The following ZNF571 variants were observed in gnomAD, a reference collection of about 807,000 sequenced individuals.
ZNF571 encodes the protein zinc finger protein 571.
A neutral mutation model predicts 7.7 loss-of-function variants in ZNF571; 4 were observed. The observed-to-expected ratio is 0.52, with a 90% CI of 0.25 to 1.18. ZNF571 has a LOEUF of 1.18. Among genes scored for constraint, ZNF571 ranks in the 50% most tolerant of loss-of-function variants. The pLI, the probability that ZNF571 is intolerant of heterozygous loss-of-function variation, is 0.14. For synonymous variants in ZNF571, 251 were observed against 232.4 expected (o/e 1.08, Z -0.73); for missense variants, 704 against 726.9 (o/e 0.97, Z 0.36).
chr19:37,570,947 TGTGGTGTA>T (rs1386169298), intron 3 of ZNF571, among the ~76,000 whole-genome samples: 1 of 152,220 alleles, frequency 6.6e-6, no homozygotes, highest in East Asian at 1.9e-4. Flanking sequence ...ATTAATAGGC[TGTGGTGTA>T]ATACAAATTA....
intron 3 of ZNF571, among the ~76,000 whole-genome samples, chr19:37,583,141 C>T (rs188483073): frequency 1.5e-4 from 23 of 152,300 alleles, no homozygotes; most frequent in Non-Finnish European, 1.6e-4. Context: ...CCTGAACACA[C>T]CTTTCCCTGA....
chr19:37,580,413 T>G (rs1196984620), intron 3 of ZNF571, among the ~76,000 whole-genome samples: 1 of 152,262 alleles, frequency 6.6e-6, no homozygotes, highest in Admixed American at 6.5e-5. Flanking sequence ...TATTTGTAGG[T>G]GTTAGCTTGA....
intron 3 of ZNF571, among the ~76,000 whole-genome samples, chr19:37,575,149 T>TA (rs557814680): frequency 1.2e-4 from 18 of 152,232 alleles, no homozygotes; most frequent in Non-Finnish European, 2.4e-4. Flanking sequence ...CTGACTCTGC[T>TA]ACTTGAGAAA....
intron 1 of ZNF571, among the ~76,000 whole-genome samples, chr19:37,588,164 A>C (rs2147207851): frequency 6.6e-6 from 1 of 151,540 alleles, no homozygotes; most frequent in Non-Finnish European, 1.5e-5. Flanking sequence ...AAAATGATAT[A>C]AAGATGTTAA....
chr19:37,584,251 T>A (rs1049929641), intron 2 of ZNF571, 154 bp from the exon 3 acceptor site: 3 of 919,870 alleles, frequency 3.3e-6, no homozygotes, highest in African/African-American at 3.4e-5. Flanking sequence ...TCTCTATCAT[T>A]CCTATTGCCA....
At chr19:37,567,957 C>A (rs1436471739) in intron 3 of ZNF571, among the ~76,000 whole-genome samples, 1 of 152,076 alleles carries the variant, frequency 6.6e-6, no homozygotes, top group Non-Finnish European at 1.5e-5. Context: ...GTCTTACTTT[C>A]CAATATTTAT....
intron 3 of ZNF571, among the ~76,000 whole-genome samples, chr19:37,582,459 T>C (rs2043504767): frequency 6.6e-6 from 1 of 152,196 alleles, no homozygotes; most frequent in African/African-American, 2.4e-5. Flanking sequence ...CCTGACTGAA[T>C]GTTGGAACAC....
At position 37,566,055 on chromosome 19, in the gene ZNF571, AG is replaced by A; in HGVS notation, c.372del (p.Ser125LeufsTer7). On this transcript the variant is annotated frameshift_variant, in exon 4 of 4. Transcript: ENST00000451802. LOFTEE classifies it low-confidence loss of function (END_TRUNC). ...GGAATTATCCGATGAAAAGTAGAAG[AG>A]GTTGAATGACTTTCAGTGGCCTTTT... is the stretch of plus-strand genomic sequence containing the variant. ...CEEKATESHSTSSTFHRIIPT... is the reference protein window; with the variant it reads ...CEEKATESHSXSSTFHRIIPT... 2 of 1,614,118 alleles carry A rather than the reference AG, an allele frequency of 1.2e-6. No individual in the cohort carries two copies. The highest frequency in any genetic ancestry group is 1.7e-6 in the Non-Finnish European group (2 of 1,179,968).
intron 3 of ZNF571, among the ~76,000 whole-genome samples, chr19:37,573,281 CTAT>C (rs2043130799): frequency 2.0e-5 from 3 of 152,100 alleles, no homozygotes; most frequent in Admixed American, 2.0e-4. Context: ...TACTGGATTC[CTAT>C]TATTAACGGC....
Position 37,569,051 on chromosome 19 carries a change from G to A in ZNF571, c.137-2760C>T, listed in dbSNP as rs535825426. On this transcript the variant is annotated intron_variant, in intron 3 of 3. Transcript: ENST00000451802. This position sits in a 1 kb window ranked among gnomAD's most constrained non-coding sequence, Gnocchi z 4.4. ...AGCTCACTGCAACCTCCGCCTCCAG[G>A]TTCAAGCAATTCTGCCTCAGCCTCC... 1.2e-4 allele frequency among the ~76,000 whole-genome samples: 19 copies of A among 152,108 alleles called. No individual in the cohort carries two copies. Among genetic ancestry groups the A allele is most frequent in the Non-Finnish European group, 1.5e-4 (10 of 67,974 alleles).
At chr19:37,584,680 C>T (rs906548630) in intron 2 of ZNF571, among the ~76,000 whole-genome samples, 2 of 152,042 alleles carry the variant, frequency 1.3e-5, no homozygotes, top group Admixed American at 6.5e-5. Flanking sequence ...GACAAATTCT[C>T]GGCCGGGCGC....
At chr19:37,584,576 C>T (rs2043593852) in intron 2 of ZNF571, among the ~76,000 whole-genome samples, 1 of 152,082 alleles carries the variant, frequency 6.6e-6, no homozygotes, top group Admixed American at 6.6e-5. Flanking sequence ...TTTGAAGACT[C>T]AGATTCATCA....
chr19:37,577,157 G>A (rs2147180374), intron 3 of ZNF571, among the ~76,000 whole-genome samples: 1 of 152,090 alleles, frequency 6.6e-6, no homozygotes, highest in East Asian at 1.9e-4. Context: ...ATTAAGAACA[G>A]AGAGCTTAAT....
At chr19:37,588,099 C>CAAAAAAAAAAAAAAAAAAAAAA (rs58516591) in intron 1 of ZNF571, among the ~76,000 whole-genome samples, 2 of 45,744 alleles carry the variant, frequency 4.4e-5, no homozygotes, top group Admixed American at 3.9e-4. Flanking sequence ...GACTCCATCT[C>CAAAAAAAAAAAAAAAAAAAAAA]AAAAAAAAAA....
chr19:37,583,652 C>T (rs1410053046), intron 3 of ZNF571: 1 of 184,152 alleles, frequency 5.4e-6, no homozygotes, highest in East Asian at 1.5e-4. Flanking sequence ...CCTTTCCTTG[C>T]TCCAGTAAGG....
Position 37,564,593 on chromosome 19 carries a change from C to A in ZNF571, c.*5G>T. On this transcript the variant is annotated 3_prime_UTR_variant, in exon 4 of 4. Transcript: ENST00000451802. ...TTCTTAAATTTAATCACATTCAAGG[C>A]TTTCTCAATTATGAAGCCTTGTATG... 6.7e-7 allele frequency: 1 copy of A among 1,488,670 alleles called. No individual in the cohort carries two copies. The allele number at this position is 1,488,670 out of a possible 1,614,324, so 92.2% of individuals were successfully genotyped here. A position where few individuals can be genotyped will look rare whatever the true frequency, so the allele number is the denominator to read the frequency against.
chr19:37,565,909 C>G lies in ZNF571; in HGVS notation c.519G>C (p.Arg173Ser). ...AGCTTGGCTTTTTGCTAAAGGTATTCCTGTGTTTCTTAACTTCAGAGCATT... is the reference window on the plus strand; with the variant it reads ...AGCTTGGCTTTTTGCTAAAGGTATTGCTGTGTTTCTTAACTTCAGAGCATT... The part of the protein sequence containing the change: ...IEKCSEVKKH[R>S]NTFSKKPSYI... Residue 173 changes from arginine to serine, a missense_variant, in exon 4 of 4, where the codon AGG (arginine) becomes AGC (serine). Physicochemically the swap from Arg to Ser is moderately radical, Grantham distance 110 (BLOSUM62 -1). Transcript: ENST00000451802. The G allele has an allele frequency of 1.9e-6, 3 of 1,613,778 alleles. No homozygotes were observed. The highest frequency in any genetic ancestry group is 2.5e-6 in the Non-Finnish European group (3 of 1,179,900).
intron 3 of ZNF571, among the ~76,000 whole-genome samples, chr19:37,566,735 T>C (rs2042874374): frequency 6.6e-6 from 1 of 152,208 alleles, no homozygotes; most frequent in African/African-American, 2.4e-5. Context: ...GTTTCTCTGC[T>C]TTCATCCTTG....
rs753834865 is a variant in ZNF571 at position 37,565,172 on chromosome 19, T to C, written c.1256A>G (p.Tyr419Cys). The C allele has an allele frequency of 1.9e-6, 3 of 1,613,460 alleles. No homozygotes were observed. The African/African-American group carries it at 4.0e-5, about 22-fold the overall frequency. The change falls in exon 4 of 4, where the codon TAC (tyrosine) becomes TGC (cysteine). Residue 419 changes from tyrosine (Y) to cysteine (C), a missense_variant. Transcript: ENST00000451802. ...GGCCTTTCCACATTCCTTACATTTGTAGGGCTTCTCTCCGGTATGAATTCT... is the reference window on the plus strand; with the variant it reads ...GGCCTTTCCACATTCCTTACATTTGCAGGGCTTCTCTCCGGTATGAATTCT... ...HQRIHTGEKP[Y>C]KCKECGKAFI...
Sources: allele counts gnomAD v4.1 joint callset (sites outside exome capture counted in the v4.1 genomes callset), GRCh38; gene constraint gnomAD v4.1.1; non-coding constraint Gnocchi (gnomAD v3.1); transcripts MANE v1.5; gene names NCBI Gene and HGNC (gene_info 2026-07-23, HGNC 2026-07-21).